NECAB1: variants seen among roughly 807,000 people sequenced by gnomAD.
NECAB1 encodes N-terminal EF-hand calcium binding protein 1, also known as N-terminal EF-hand calcium-binding protein 1.
Under a neutral mutation model 57.5 loss-of-function variants are expected in NECAB1, and 29 were observed. That is an observed-to-expected ratio of 0.50 (90% CI 0.38 to 0.69). The LOEUF (loss-of-function observed/expected upper bound fraction) is 0.69, where lower values mean the gene tolerates loss of function less well. NECAB1 is among the 30% of genes least tolerant of loss of function. The pLI is 0.00. For missense variants in NECAB1, 372 were observed against 413.8 expected (o/e 0.90, Z 0.88); for synonymous variants, 142 against 147.7 (o/e 0.96, Z 0.28).
At chr8:90,832,340 G>A (rs909389941) in intron 3 of NECAB1, among the ~76,000 whole-genome samples, 9 of 152,094 alleles carry the variant, frequency 5.9e-5, no homozygotes, top group Admixed American at 1.3e-4. Flanking sequence ...TTCTTCCCTG[G>A]AGGAAGAGTG....
intron 3 of NECAB1, among the ~76,000 whole-genome samples, chr8:90,852,781 C>T (rs929344783): frequency 6.6e-6 from 1 of 152,224 alleles, no homozygotes; most frequent in African/African-American, 2.4e-5. Context: ...TCCTTTTCAA[C>T]TCCCCTTCCC....
intron 11 of NECAB1, among the ~76,000 whole-genome samples, chr8:90,950,857 A>AATCTACTTTTTATCCTCTAAAAAAGT (rs2130274235): frequency 6.6e-6 from 1 of 152,266 alleles, no homozygotes; most frequent in Admixed American, 6.5e-5. Context: ...GGTGCAATAA[A>AATCTACTTTTTATCCTCTAAAAAAGT]ATCTACTTTT....
chr8:90,886,169 G>A (rs567936763), intron 5 of NECAB1, among the ~76,000 whole-genome samples: 128 of 152,208 alleles, frequency 8.4e-4, no homozygotes, highest in Non-Finnish European at 1.3e-3. Context: ...TTACTTACTA[G>A]AATGAAATAT....
intron 3 of NECAB1, among the ~76,000 whole-genome samples, chr8:90,845,409 A>G (rs1812536462): frequency 6.6e-6 from 1 of 152,190 alleles, no homozygotes; most frequent in Admixed American, 6.5e-5. Context: ...TAAAATACCT[A>G]GCATGCATAC....
intron 5 of NECAB1, among the ~76,000 whole-genome samples, chr8:90,911,582 G>A (rs1330367224): frequency 6.6e-6 from 1 of 152,070 alleles, no homozygotes; most frequent in Non-Finnish European, 1.5e-5. Flanking sequence ...CTTCAATCTG[G>A]TAACAAGTAT....
intron 5 of NECAB1, among the ~76,000 whole-genome samples, chr8:90,916,948 CTCCAA>C (rs1809968001): frequency 6.6e-6 from 1 of 152,188 alleles, no homozygotes; most frequent in Admixed American, 6.5e-5. Context: ...CATTTAAATA[CTCCAA>C]TCCTAACATT....
chr8:90,917,732 T>C (rs1170264028), intron 6 of NECAB1, 104 bp downstream of exon 6: 41 of 1,105,450 alleles, frequency 3.7e-5, no homozygotes, highest in Admixed American at 9.5e-5. Context: ...AAAAAGAGAA[T>C]TGATATATTT....
At chr8:90,831,556 G>A (rs1250477987) in intron 3 of NECAB1, among the ~76,000 whole-genome samples, 1 of 152,118 alleles carries the variant, frequency 6.6e-6, no homozygotes, top group East Asian at 1.9e-4. Context: ...AAACACTGAA[G>A]TCAGGGAGAA....
chr8:90,876,805 C>G (rs1808735479), intron 4 of NECAB1, among the ~76,000 whole-genome samples: 1 of 152,122 alleles, frequency 6.6e-6, no homozygotes, highest in Non-Finnish European at 1.5e-5. Context: ...TATTCAGACT[C>G]TACTTTTCAA....
At chr8:90,953,200 G>C (rs1310665817) in intron 12 of NECAB1, among the ~76,000 whole-genome samples, 1 of 152,190 alleles carries the variant, frequency 6.6e-6, no homozygotes, top group Non-Finnish European at 1.5e-5. Context: ...AGTAGGAAAA[G>C]AGGATAGAAC....
At chr8:90,819,307 G>A (rs1243777025) in intron 2 of NECAB1, among the ~76,000 whole-genome samples, 1 of 151,790 alleles carries the variant, frequency 6.6e-6, no homozygotes, top group Admixed American at 6.6e-5. Context: ...TGGTTTTAAT[G>A]CATGTTTTGT....
At chr8:90,890,025 C>T (rs1809119715) in intron 5 of NECAB1, among the ~76,000 whole-genome samples, 1 of 151,970 alleles carries the variant, frequency 6.6e-6, no homozygotes, top group Non-Finnish European at 1.5e-5. Flanking sequence ...TTTTTTCCCT[C>T]CATTTATATC....
At chr8:90,891,506 C>T (rs1472198287) in intron 5 of NECAB1, among the ~76,000 whole-genome samples, 1 of 151,746 alleles carries the variant, frequency 6.6e-6, no homozygotes, top group Non-Finnish European at 1.5e-5. Context: ...GGGTTTTTCA[C>T]AATTTTCAAC....
At position 90,866,884 on chromosome 8, in the gene NECAB1, C is replaced by A. The variant is rs192716857; in HGVS notation, c.234-5244C>A. Among the ~76,000 whole-genome samples the A allele has an allele frequency of 6.8e-3, 1,028 of 152,206 alleles. 8 individuals are homozygous for A. The highest frequency in any genetic ancestry group is 0.024 in the African/African-American group (986 of 41,514). On this transcript the variant is annotated intron_variant, in intron 3 of 12. Transcript: ENST00000417640. ...CTAGAACCAGAAATATCATTTGACC[C>A]AGCAATCTGATTACTGGGTATATAC...
At chr8:90,853,696 G>C (rs1454001771) in intron 3 of NECAB1, among the ~76,000 whole-genome samples, 2 of 152,116 alleles carry the variant, frequency 1.3e-5, no homozygotes, top group African/African-American at 4.8e-5. Context: ...TTTATATAAA[G>C]ACATTAAGAA....
chr8:90,845,952 C>A (rs1408760169), intron 3 of NECAB1, among the ~76,000 whole-genome samples: 1 of 152,198 alleles, frequency 6.6e-6, no homozygotes, highest in Admixed American at 6.5e-5. Flanking sequence ...ATACTTACAT[C>A]TTCCTTTAAG....
chr8:90,934,659 T>G (rs1810489471), intron 9 of NECAB1, among the ~76,000 whole-genome samples: 1 of 152,176 alleles, frequency 6.6e-6, no homozygotes, highest in Non-Finnish European at 1.5e-5. Flanking sequence ...ACATTTAAGT[T>G]GTATCATAAA....
chr8:90,919,873 G>A (rs1446620100), intron 6 of NECAB1, among the ~76,000 whole-genome samples: 4 of 152,086 alleles, frequency 2.6e-5, no homozygotes, highest in South Asian at 2.1e-4. Flanking sequence ...CTTCACCTGC[G>A]CTTTTGTTTT....
intron 1 of NECAB1, among the ~76,000 whole-genome samples, chr8:90,794,945 C>T (rs1311758849): frequency 6.6e-6 from 1 of 152,134 alleles, no homozygotes; most frequent in African/African-American, 2.4e-5. Flanking sequence ...TGATGGGAGG[C>T]TTAGAAAACC....
Sources: gnomAD v4.1 joint callset for allele counts (sites outside exome capture counted in the v4.1 genomes callset) on GRCh38, gnomAD v4.1.1 for gene constraint, MANE v1.5 for transcripts, NCBI Gene and HGNC (gene_info 2026-07-23, HGNC 2026-07-21) for gene names.